The following RFLNA variants were observed in gnomAD, a reference collection of about 807,000 sequenced individuals.
RFLNA encodes refilin A.
Under a neutral mutation model 7.8 loss-of-function variants are expected in RFLNA, and 5 were observed. The ratio of observed to expected loss-of-function variants is 0.64; its 90% confidence interval spans 0.34 to 1.35. RFLNA has a LOEUF of 1.35. Among genes scored for constraint, RFLNA ranks in the 40% most tolerant of loss-of-function variants. The pLI is 0.04. For missense variants in RFLNA, 278 were observed against 305.5 expected (o/e 0.91, Z 0.67); for synonymous variants, 141 against 131.3 (o/e 1.07, Z -0.50).
At chr12:124,313,735 T>C (rs1384386441) in intron 2 of RFLNA, among the ~76,000 whole-genome samples, 1 of 151,820 alleles carries the variant, frequency 6.6e-6, no homozygotes, top group Non-Finnish European at 1.5e-5. Context: ...GTTGTTTATA[T>C]CTTGCCCTAT....
chr12:124,296,562 T>C (rs751535272), intron 1 of RFLNA, among the ~76,000 whole-genome samples: 241 of 152,134 alleles, frequency 1.6e-3, no homozygotes, highest in Non-Finnish European at 2.9e-3. Flanking sequence ...TCCACTCCCC[T>C]TTCCTGGGGC....
Position 124,295,636 on chromosome 12 carries a change from G to A in RFLNA, c.207G>A (p.Ala69=), listed in dbSNP as rs1356626477. The A allele has an allele frequency of 9.7e-6, 12 of 1,233,034 alleles. No homozygotes were observed. Among genetic ancestry groups the A allele is most frequent in the Non-Finnish European group, 1.2e-5 (12 of 988,038 alleles). 76.4% of individuals were successfully genotyped at this position (1,233,034 alleles called of 1,614,324 possible). A position where few individuals can be genotyped will look rare whatever the true frequency, so the allele number is the denominator to read the frequency against. ...CCCCGGGACCCAGCGAGGCCAGAGCGGTAAGGAGGCGCTCTCTCTCCCAAA... is the reference window on the plus strand; with the variant it reads ...CCCCGGGACCCAGCGAGGCCAGAGCAGTAAGGAGGCGCTCTCTCTCCCAAA... ...SEPPGPSEAR[A]PPSQLPNPPA... The change falls in exon 1 of 3, where the codon GCG becomes GCA. Residue 69 remains alanine, a splice_region_variant and synonymous_variant. Transcript: ENST00000546355.
chr12:124,315,118 G>C lies in RFLNA; in HGVS notation c.*593G>C, dbSNP rs2034329172. 1 of 182,306 alleles carries C rather than the reference G, an allele frequency of 5.5e-6. No individual in the cohort carries two copies. The highest frequency in any genetic ancestry group is 1.2e-5 in the Non-Finnish European group (1 of 86,180). The allele number at this position is 182,306 out of a possible 1,614,324, so 11.3% of individuals were successfully genotyped here. Reference sequence around the variant, plus strand: ...TGGCGGATGTTGAGCCAGGAGGTTGGGCAAAGGCCGGATGCTGATGCCAGC... The same window carrying C: ...TGGCGGATGTTGAGCCAGGAGGTTGCGCAAAGGCCGGATGCTGATGCCAGC... On this transcript the variant is annotated 3_prime_UTR_variant, in exon 3 of 3. Transcript: ENST00000546355.
chr12:124,292,107 T>G (rs984608571), upstream of RFLNA, among the ~76,000 whole-genome samples: 2 of 152,216 alleles, frequency 1.3e-5, no homozygotes, highest in African/African-American at 4.8e-5. Flanking sequence ...TTCATCCAAC[T>G]TTGTTTATGT....
intron 1 of RFLNA, among the ~76,000 whole-genome samples, chr12:124,310,581 G>A (rs2034226657): frequency 6.8e-6 from 1 of 147,952 alleles, no homozygotes; most frequent in South Asian, 2.1e-4. Context: ...GGAGCAGGAT[G>A]GGGTGGGGGT....
rs750740794 is a variant in RFLNA, at chr12:124,314,497, C to T, written c.623C>T (p.Pro208Leu). The change falls in exon 3 of 3, where the codon CCC (proline) becomes CTC (leucine). Residue 208 changes from proline to leucine, a missense_variant. By Grantham distance (98) the Pro-to-Leu change is moderately conservative (BLOSUM62 -3). Transcript: ENST00000546355. ...VQLQLCQDPA[P>L]SLLGPATL ...CTGCAGCTTTGCCAGGACCCTGCCCCCAGCCTCCTGGGCCCTGCCACGCTC... is the reference window on the plus strand; with the variant it reads ...CTGCAGCTTTGCCAGGACCCTGCCCTCAGCCTCCTGGGCCCTGCCACGCTC... The T allele has an allele frequency of 6.3e-7, 1 of 1,593,138 alleles. No homozygotes were observed. Among genetic ancestry groups the T allele is most frequent in the South Asian group, 1.1e-5 (1 of 90,542 alleles).
At chr12:124,294,014 T>A (rs1448015952), upstream of RFLNA, among the ~76,000 whole-genome samples, 1 of 152,172 alleles carries the variant, frequency 6.6e-6, no homozygotes, top group East Asian at 1.9e-4. Flanking sequence ...ATTGACAGGC[T>A]CCCTCATCAG....
At chr12:124,296,583 C>G (rs1011835537) in intron 1 of RFLNA, among the ~76,000 whole-genome samples, 1 of 152,158 alleles carries the variant, frequency 6.6e-6, no homozygotes, top group Non-Finnish European at 1.5e-5. Context: ...CCCGGGGATT[C>G]TTGCCTGGCA....
At chr12:124,309,319 G>C (rs987667245) in intron 1 of RFLNA, among the ~76,000 whole-genome samples, 4 of 152,192 alleles carry the variant, frequency 2.6e-5, no homozygotes, top group Non-Finnish European at 5.9e-5. Flanking sequence ...CCTCCTGACA[G>C]TTGGAATCTT....
At position 124,311,873 on chromosome 12, in the gene RFLNA, C is replaced by T. The variant is rs147485247; in HGVS notation, c.263C>T (p.Pro88Leu). 1,125 of 1,601,596 alleles carry T rather than the reference C, an allele frequency of 7.0e-4. 16 individuals carry two copies. The highest frequency in any genetic ancestry group is 4.1e-4 in the Admixed American group (24 of 58,670). The change falls in exon 2 of 3, where the codon CCA becomes CTA. Residue 88 changes from proline (P) to leucine (L), a missense_variant. Transcript: ENST00000546355. ...TCGGAGATGAGGCCCCGGATGCTGC[C>T]AGTGTTCTTTGGGGAGAGCATCAAG... ...PASEMRPRML[P>L]VFFGESIKVN...
At chr12:124,311,672 A>T (rs1433754013) in intron 1 of RFLNA, 146 bp from the exon 2 acceptor site, 1 of 696,348 alleles carries the variant, frequency 1.4e-6, no homozygotes, top group East Asian at 3.5e-5. Context: ...TGGGCCCCAC[A>T]AAGCGGCTTC....
chr12:124,309,067 G>T (rs921588344), intron 1 of RFLNA, among the ~76,000 whole-genome samples: 3 of 152,194 alleles, frequency 2.0e-5, no homozygotes, highest in Non-Finnish European at 4.4e-5. Context: ...AGGGTCCCAG[G>T]GCATGGCCTG....
intron 1 of RFLNA, among the ~76,000 whole-genome samples, chr12:124,301,978 T>C (rs1179484476): frequency 1.3e-5 from 2 of 152,126 alleles, no homozygotes; most frequent in Non-Finnish European, 2.9e-5. Context: ...CTCTGGAGGC[T>C]GTAAGGGGGT....
intron 1 of RFLNA, among the ~76,000 whole-genome samples, chr12:124,305,286 C>G (rs4765539): frequency 0.11 from 17,090 of 152,234 alleles, 1,118 homozygotes; most frequent in East Asian, 0.3. Context: ...GGGTTGGGCG[C>G]TGTTCCATGT....
chr12:124,311,183 C>T (rs1156610294), intron 1 of RFLNA, among the ~76,000 whole-genome samples: 1 of 152,220 alleles, frequency 6.6e-6, no homozygotes, highest in African/African-American at 2.4e-5. Context: ...CGCCCATGTC[C>T]AATCCAGTCC....
chr12:124,303,778 C>T (rs573439382), intron 1 of RFLNA, among the ~76,000 whole-genome samples: 1 of 152,320 alleles, frequency 6.6e-6, no homozygotes, highest in East Asian at 1.9e-4. Flanking sequence ...GGGCATCTCA[C>T]CGGATTCTGT....
intron 1 of RFLNA, among the ~76,000 whole-genome samples, chr12:124,296,092 C>CTTTCTTTCTTTCTTTCTTTCTTTCT (rs1388697735): frequency 1.7e-4 from 1 of 5,928 alleles, no homozygotes; most frequent in Non-Finnish European, 6.1e-4. Context: ...TTCTTTCTTT[C>CTTTCTTTCTTTCTTTCTTTCTTTCT]TTTCTTTCTT....
At chr12:124,290,291 C>T (rs1383975114), upstream of RFLNA, among the ~76,000 whole-genome samples, 1 of 151,824 alleles carries the variant, frequency 6.6e-6, no homozygotes, top group Non-Finnish European at 1.5e-5. This position sits in a 1 kb window ranked among gnomAD's most constrained non-coding sequence, Gnocchi z 4.0. Flanking sequence ...TATGTATGTG[C>T]ATGTGTTAGT....
Position 124,314,558 on chromosome 12 carries a change from G to A in RFLNA, c.*33G>A. The stretch of plus-strand genomic sequence containing the variant: ...GGGGCCGGCCCGGGGTGCTGGAGGA[G>A]CCGGGAGCCCTGGGGAGAAGCCGGG... On this transcript the variant is annotated 3_prime_UTR_variant, in exon 3 of 3. Coordinates refer to ENST00000546355, the MANE Select transcript of RFLNA (RefSeq NM_001365156.1). 6.5e-7 allele frequency: 1 copy of A among 1,537,948 alleles called. No individual in the cohort carries two copies. The highest frequency in any genetic ancestry group is 1.7e-4 in the Middle Eastern group (1 of 5,916).
Sources: allele counts gnomAD v4.1 joint callset (sites outside exome capture counted in the v4.1 genomes callset), GRCh38; gene constraint gnomAD v4.1.1; non-coding constraint Gnocchi (gnomAD v3.1); transcripts MANE v1.5; gene names NCBI Gene and HGNC (gene_info 2026-07-23, HGNC 2026-07-21).